UMAD1: variants seen among roughly 807,000 people sequenced by gnomAD.
UMAD1 encodes UBAP1-MVB12-associated (UMA)-domain containing protein 1.
A neutral mutation model predicts 6.1 loss-of-function variants in UMAD1; 8 were observed. The observed-to-expected ratio is 1.30, with a 90% CI of 0.76 to 2.35. UMAD1 has a LOEUF of 2.35. Among genes scored for constraint, UMAD1 ranks in the 30% most tolerant of loss-of-function variants. UMAD1 has a pLI of 0.00. For synonymous variants in UMAD1, 56 were observed against 31.4 expected (o/e 1.78, Z -2.61); for missense variants, 130 against 78.4 (o/e 1.66, Z -2.49).
At chr7:7,720,372 C>T (rs1781019276) in intron 2 of UMAD1, among the ~76,000 whole-genome samples, 2 of 152,106 alleles carry the variant, frequency 1.3e-5, no homozygotes, top group Non-Finnish European at 1.5e-5. Flanking sequence ...TGGGCCTCTT[C>T]CCCATCACTT....
intron 2 of UMAD1, among the ~76,000 whole-genome samples, chr7:7,757,477 T>A (rs1425150395): frequency 3.3e-5 from 5 of 152,246 alleles, no homozygotes; most frequent in Non-Finnish European, 7.3e-5. Context: ...AAGTTCTTTG[T>A]GCTGTGTTGC....
At chr7:7,871,261 A>G (rs926087948) in intron 3 of UMAD1, among the ~76,000 whole-genome samples, 2 of 152,216 alleles carry the variant, frequency 1.3e-5, no homozygotes, top group African/African-American at 4.8e-5. Flanking sequence ...AAGCCAAGAT[A>G]TGCTACTTTA....
At chr7:7,791,801 A>G (rs1213083101) in intron 2 of UMAD1, among the ~76,000 whole-genome samples, 1 of 152,226 alleles carries the variant, frequency 6.6e-6, no homozygotes, top group Non-Finnish European at 1.5e-5. Context: ...GTGTGGCCCA[A>G]TGCTTTTAAA....
intron 2 of UMAD1, among the ~76,000 whole-genome samples, chr7:7,712,044 T>G (rs1327344170): frequency 2.0e-5 from 3 of 152,138 alleles, no homozygotes; most frequent in African/African-American, 7.2e-5. Context: ...AGCTTACTCT[T>G]ACATATATAG....
chr7:7,766,232 A>C lies in UMAD1; in HGVS notation c.83-35438A>C, dbSNP rs1246227667. On this transcript the variant is annotated intron_variant, in intron 2 of 3. Transcript: ENST00000682710. ...ACATGTGTAGTTAATCAATTTTTAA[A>C]AATATATTTTACTACAAGTTATTGC... 2.6e-5 allele frequency among the ~76,000 whole-genome samples: 4 copies of C among 152,350 alleles called. No individual in the cohort carries two copies. In the South Asian group the frequency reaches 6.2e-4, roughly 24 times the overall value.
intron 2 of UMAD1, among the ~76,000 whole-genome samples, chr7:7,784,756 C>CTTTTTTT (rs71014716): frequency 1.3e-5 from 1 of 78,522 alleles, no homozygotes; most frequent in Non-Finnish European, 2.3e-5. Flanking sequence ...GCCCTTCCTT[C>CTTTTTTT]TTTTTTTTTT....
chr7:7,792,123 A>G (rs963003703), intron 2 of UMAD1, among the ~76,000 whole-genome samples: 2 of 152,130 alleles, frequency 1.3e-5, no homozygotes, highest in Non-Finnish European at 1.5e-5. Context: ...TTCCTTTGCC[A>G]ATTTCGGGTG....
intron 2 of UMAD1, among the ~76,000 whole-genome samples, chr7:7,765,287 C>A (rs546038518): frequency 2.6e-5 from 4 of 152,208 alleles, no homozygotes; most frequent in African/African-American, 9.6e-5. Flanking sequence ...TGAGATCTTT[C>A]TTTCAAAATA....
intron 3 of UMAD1, among the ~76,000 whole-genome samples, chr7:7,869,182 T>G (rs551615429): frequency 6.6e-6 from 1 of 152,320 alleles, no homozygotes; most frequent in Admixed American, 6.5e-5. Flanking sequence ...CACCTTCTCC[T>G]AACCTCTGTC....
At chr7:7,831,983 A>T (rs1376491287) in intron 3 of UMAD1, among the ~76,000 whole-genome samples, 2 of 152,092 alleles carry the variant, frequency 1.3e-5, no homozygotes, top group Non-Finnish European at 2.9e-5. Context: ...GTGCAATTAG[A>T]TGTGTATGCA....
intron 2 of UMAD1, among the ~76,000 whole-genome samples, chr7:7,785,384 C>G (rs1208523135): frequency 6.6e-6 from 1 of 152,038 alleles, no homozygotes; most frequent in African/African-American, 2.4e-5. Context: ...ATTTGAGGAT[C>G]TGAAAGTTGT....
chr7:7,810,538 A>G (rs1287892906), intron 3 of UMAD1, among the ~76,000 whole-genome samples: 1 of 152,180 alleles, frequency 6.6e-6, no homozygotes, highest in Non-Finnish European at 1.5e-5. Context: ...ACAAAATTGT[A>G]TATACAGTAT....
At chr7:7,864,654 G>T (rs1784193811) in intron 3 of UMAD1, among the ~76,000 whole-genome samples, 1 of 142,416 alleles carries the variant, frequency 7.0e-6, no homozygotes, top group Non-Finnish European at 1.5e-5. Flanking sequence ...CACACACAGT[G>T]GCGTCTTGAA....
intron 1 of UMAD1, among the ~76,000 whole-genome samples, chr7:7,672,176 C>T (rs771064386): frequency 1.3e-5 from 2 of 152,164 alleles, no homozygotes; most frequent in Non-Finnish European, 2.9e-5. Context: ...GGAGCACTTG[C>T]TGCCACCAGG....
intron 3 of UMAD1, among the ~76,000 whole-genome samples, chr7:7,815,628 A>T (rs934210634): frequency 6.6e-6 from 1 of 152,156 alleles, no homozygotes; most frequent in Non-Finnish European, 1.5e-5. Context: ...ATTTTCCAGG[A>T]AGCAGGAAGG....
chr7:7,855,243 C>T (rs542130082), intron 3 of UMAD1, among the ~76,000 whole-genome samples: 1 of 152,344 alleles, frequency 6.6e-6, no homozygotes, highest in African/African-American at 2.4e-5. Flanking sequence ...CACAACTCCA[C>T]TAGACAGTGC....
At chr7:7,852,706 C>T (rs73674546) in intron 3 of UMAD1, among the ~76,000 whole-genome samples, 389 of 152,278 alleles carry the variant, frequency 2.6e-3, no homozygotes, top group African/African-American at 8.7e-3. Context: ...CCTTCCAACA[C>T]GTAAATGAGT....
At chr7:7,661,877 G>A (rs1455127488) in intron 1 of UMAD1, among the ~76,000 whole-genome samples, 1 of 152,150 alleles carries the variant, frequency 6.6e-6, no homozygotes, top group Non-Finnish European at 1.5e-5. Flanking sequence ...GGCAGGCAGG[G>A]ACGTTTAATT....
intron 2 of UMAD1, among the ~76,000 whole-genome samples, chr7:7,770,718 G>A (rs894929350): frequency 6.6e-6 from 1 of 152,066 alleles, no homozygotes; most frequent in East Asian, 1.9e-4. Flanking sequence ...AGTACAGAAT[G>A]AGGAGGTGCA....
Sources: allele counts gnomAD v4.1 joint callset (sites outside exome capture counted in the v4.1 genomes callset), GRCh38; gene constraint gnomAD v4.1.1; transcripts MANE v1.5; gene names NCBI Gene and HGNC (gene_info 2026-07-23, HGNC 2026-07-21).